The following CPPED1 variants were observed in gnomAD, a reference collection of about 807,000 sequenced individuals.
The protein encoded by CPPED1 is calcineurin like phosphoesterase domain containing 1.
In CPPED1, 28 loss-of-function variants were observed where a neutral mutation model predicts 28.0. The ratio of observed to expected loss-of-function variants is 1.00; its 90% CI spans 0.74 to 1.37. The LOEUF is 1.37. Among genes scored for constraint, CPPED1 ranks in the 40% most tolerant of loss-of-function variants. CPPED1 has a pLI of 0.00. For missense variants in CPPED1, 504 were observed against 416.5 expected, an observed-to-expected ratio of 1.21 and a Z score of -1.83; for synonymous variants, 198 against 180.2, an observed-to-expected ratio of 1.10 and a Z score of -0.79.
intron 2 of CPPED1, among the ~76,000 whole-genome samples, chr16:12,758,795 G>T (rs766953594): frequency 2.6e-5 from 4 of 152,094 alleles, no homozygotes; most frequent in Non-Finnish European, 5.9e-5. Context: ...TCAGGAAGAA[G>T]GCAGGAACTG....
chr16:12,667,219 C>T (rs989252529), intron 3 of CPPED1, among the ~76,000 whole-genome samples: 1 of 152,164 alleles, frequency 6.6e-6, no homozygotes, highest in African/African-American at 2.4e-5. Flanking sequence ...AAATAGTCTA[C>T]AAACCCTTCA....
rs528273237 is a variant in CPPED1, at chr16:12,787,708, G to A, written c.71-6305C>T. Among the ~76,000 whole-genome samples the A allele has an allele frequency of 9.0e-4, 137 of 152,134 alleles. 2 individuals carry two copies. The highest frequency in any genetic ancestry group is 7.7e-3 in the Admixed American group (117 of 15,260). ...GCATGAGCCACCACACCTGGCCAGCGAATTTAACTTTTTCAACGTTAATTT... is the reference window on the plus strand; with the variant it reads ...GCATGAGCCACCACACCTGGCCAGCAAATTTAACTTTTTCAACGTTAATTT... On this transcript the variant is annotated intron_variant, in intron 1 of 3. Coordinates refer to ENST00000381774, the MANE Select transcript of CPPED1 (RefSeq NM_018340.3).
intron 3 of CPPED1, among the ~76,000 whole-genome samples, chr16:12,693,821 T>A (rs2141180135): frequency 6.6e-6 from 1 of 152,366 alleles, no homozygotes; most frequent in East Asian, 1.9e-4. Context: ...GATATAATAT[T>A]TTGACTTCAT....
intron 3 of CPPED1, among the ~76,000 whole-genome samples, chr16:12,681,182 T>G (rs905487843): frequency 2.0e-5 from 3 of 151,040 alleles, no homozygotes; most frequent in African/African-American, 4.9e-5. Flanking sequence ...CCCCAACGTT[T>G]AAGTGTTATA....
intron 3 of CPPED1, among the ~76,000 whole-genome samples, chr16:12,692,958 C>A (rs539722144): frequency 6.6e-6 from 1 of 152,336 alleles, no homozygotes; most frequent in East Asian, 1.9e-4. Context: ...GAATAGTACC[C>A]TCACCTGGAC....
In CPPED1 at chr16:12,681,785, G is replaced by A. The variant is rs1051255869; in HGVS notation, c.716-16670C>T. The stretch of plus-strand genomic sequence containing the variant: ...GCAGCTGAGGGGGGCCCACATTCCC[G>A]TTCATAAAATGACGTTTCCCACTTC... On this transcript the variant is annotated intron_variant, in intron 3 of 3. Coordinates refer to ENST00000381774, the MANE Select transcript of CPPED1 (RefSeq NM_018340.3). Among the ~76,000 whole-genome samples, 6 of 152,220 alleles carry A rather than the reference G, an allele frequency of 3.9e-5. No homozygotes were observed. The South Asian group carries it at 6.2e-4, about 16-fold the overall frequency.
intron 1 of CPPED1, among the ~76,000 whole-genome samples, chr16:12,787,588 G>T (rs577804638): frequency 1.3e-5 from 2 of 151,610 alleles, no homozygotes; most frequent in South Asian, 4.2e-4. Context: ...TGTATTTTTA[G>T]TAGAGATGGG....
intron 2 of CPPED1, among the ~76,000 whole-genome samples, chr16:12,757,002 A>G (rs2080373826): frequency 6.6e-6 from 1 of 152,310 alleles, no homozygotes; most frequent in African/African-American, 2.4e-5. Context: ...ACAAACTAGA[A>G]TCAGGGTAAG....
intron 2 of CPPED1, among the ~76,000 whole-genome samples, chr16:12,766,982 CAT>C (rs1448660250): frequency 6.8e-6 from 1 of 146,986 alleles, no homozygotes; most frequent in South Asian, 2.1e-4. Context: ...ATTTTGGCTC[CAT>C]GGTTGCTCAG....
chr16:12,660,170 G>C lies in CPPED1; in HGVS notation c.*4716C>G, dbSNP rs1382137704. On this transcript the variant is annotated 3_prime_UTR_variant, in exon 4 of 4. Coordinates refer to ENST00000381774, the MANE Select transcript of CPPED1 (RefSeq NM_018340.3). ...AGGCCACTTTCAGGGGTGAGCGTTTGAGTGGATGTTGAAATGATGACAAGA... is the reference window on the plus strand; with the variant it reads ...AGGCCACTTTCAGGGGTGAGCGTTTCAGTGGATGTTGAAATGATGACAAGA... 1 of 152,214 alleles carries C rather than the reference G, an allele frequency of 6.6e-6. No individual in the cohort carries two copies. The highest frequency in any genetic ancestry group is 2.1e-4 in the South Asian group (1 of 4,832). 9.4% of individuals were successfully genotyped at this position (152,214 alleles called of 1,614,324 possible).
At chr16:12,691,824 AGG>A (rs376121866) in intron 3 of CPPED1, among the ~76,000 whole-genome samples, 12,536 of 41,686 alleles carry the variant, frequency 0.3, 1,038 homozygotes, top group African/African-American at 0.39. Context: ...GGGTGGGGGG[AGG>A]GGGGGAGGGA....
chr16:12,755,496 G>A (rs1397652411), intron 2 of CPPED1, among the ~76,000 whole-genome samples: 1 of 151,688 alleles, frequency 6.6e-6, no homozygotes, highest in Non-Finnish European at 1.5e-5. Flanking sequence ...GGCTGAGGCT[G>A]GTGTATGAAC....
At chr16:12,742,996 T>C (rs888979902) in intron 2 of CPPED1, among the ~76,000 whole-genome samples, 2 of 152,226 alleles carry the variant, frequency 1.3e-5, no homozygotes, top group African/African-American at 4.8e-5. Context: ...ATTTTGTCTA[T>C]GGGTCATGAG....
At chr16:12,783,980 GC>G (rs1171385626) in intron 1 of CPPED1, among the ~76,000 whole-genome samples, 3 of 141,748 alleles carry the variant, frequency 2.1e-5, no homozygotes, top group Non-Finnish European at 4.4e-5. Flanking sequence ...ACTCTAAGAT[GC>G]CCCCCAAATC....
At chr16:12,778,152 C>T (rs1195360496) in intron 2 of CPPED1, among the ~76,000 whole-genome samples, 1 of 151,896 alleles carries the variant, frequency 6.6e-6, no homozygotes, top group East Asian at 1.9e-4. Context: ...TCAAGTGATC[C>T]ACCCACCTCG....
At chr16:12,673,962 T>C (rs1420131847) in intron 3 of CPPED1, among the ~76,000 whole-genome samples, 2 of 151,974 alleles carry the variant, frequency 1.3e-5, no homozygotes, top group East Asian at 3.8e-4. Context: ...GAAGGGAGGA[T>C]TGCTTGAGCT....
chr16:12,716,121 A>C (rs1363033229), intron 2 of CPPED1, among the ~76,000 whole-genome samples: 1 of 152,248 alleles, frequency 6.6e-6, no homozygotes, highest in African/African-American at 2.4e-5. Flanking sequence ...TTCTGCTTAA[A>C]TGAAAAACCA....
At chr16:12,766,263 AGAGAGAGAGAGAGG>A (rs1399957032) in intron 2 of CPPED1, among the ~76,000 whole-genome samples, 13 of 142,840 alleles carry the variant, frequency 9.1e-5, no homozygotes, top group East Asian at 7.8e-4. Context: ...ATATAGAGAG[AGAGAGAGAGAGAGG>A]GAGAGAGAGA....
chr16:12,749,751 C>G (rs2080315244), intron 2 of CPPED1, among the ~76,000 whole-genome samples: 1 of 152,116 alleles, frequency 6.6e-6, no homozygotes, highest in South Asian at 2.1e-4. Context: ...CCATACCTGG[C>G]TAATTTTTGT....
Sources: allele counts gnomAD v4.1 joint callset (sites outside exome capture counted in the v4.1 genomes callset), GRCh38; gene constraint gnomAD v4.1.1; transcripts MANE v1.5; gene names NCBI Gene and HGNC (gene_info 2026-07-23, HGNC 2026-07-21).